Variants in ZNF451 observed in about 807,000 individuals in gnomAD.
ZNF451 encodes the protein zinc finger protein 451.
ZNF451 carries 80 observed loss-of-function variants against 107.1 expected under a neutral mutation model. The observed-to-expected ratio is 0.75, with a 90% CI of 0.62 to 0.90. The LOEUF is 0.90. Among genes scored for constraint, ZNF451 ranks in the 40% least tolerant of loss-of-function variants. The probability of loss-of-function intolerance (pLI) is 0.00; values close to 1 mark genes in which losing one functional copy is unlikely to be tolerated. For synonymous variants in ZNF451, 362 were observed against 406.5 expected, an observed-to-expected ratio of 0.89 and a Z score of 1.32; for missense variants, 1,107 against 1,236.2, an observed-to-expected ratio of 0.90 and a Z score of 1.57.
At chr6:57,118,812 G>A (rs986252238) in intron 3 of ZNF451, among the ~76,000 whole-genome samples, 2 of 152,176 alleles carry the variant, frequency 1.3e-5, no homozygotes, top group Non-Finnish European at 2.9e-5. Context: ...AGATTTGCCT[G>A]TACTAAGGGA....
chr6:57,153,136 A>G (rs2127982857), intron 12 of ZNF451, among the ~76,000 whole-genome samples: 1 of 152,294 alleles, frequency 6.6e-6, no homozygotes, highest in Admixed American at 6.5e-5. Flanking sequence ...TGGTTTAAAC[A>G]ACAAAAGATT....
intron 14 of ZNF451, chr6:57,165,004 A>G (rs1763833803): frequency 6.6e-6 from 1 of 152,174 alleles, no homozygotes; most frequent in Admixed American, 6.5e-5. Context: ...TAAATTCTGT[A>G]GCTTTTGTTT....
At position 57,153,975 on chromosome 6, in the gene ZNF451, A is replaced by T; in HGVS notation, c.2998A>T (p.Ile1000Leu). 1 of 1,614,204 alleles carries T rather than the reference A, an allele frequency of 6.2e-7. No individual in the cohort carries two copies. The highest frequency in any genetic ancestry group is 1.3e-5 in the African/African-American group (1 of 75,060). ...QFKKTQRPAH[I>L]LNPHHLEGDM... ...TAAGAAGACTCAGAGGCCAGCTCAT[A>T]TACTAAACCCTCACCACTTAGAGGG... The change falls in exon 13 of 15, where the codon ATA (isoleucine) becomes TTA (leucine). Residue 1000 changes from isoleucine (I) to leucine (L), a missense_variant. Ile to Leu is a conservative substitution (Grantham distance 5). Coordinates refer to ENST00000370706, the MANE Select transcript of ZNF451 (RefSeq NM_001031623.3).
At chr6:57,161,256 C>G (rs1196836415) in intron 14 of ZNF451, 104 bp downstream of exon 14, 5 of 593,122 alleles carry the variant, frequency 8.4e-6, no homozygotes, top group Non-Finnish European at 1.4e-5. Flanking sequence ...CCTTCTACCC[C>G]CAAGTTAAAA....
intron 11 of ZNF451, 81 bp downstream of exon 11, chr6:57,150,943 C>T (rs750144530): frequency 6.8e-7 from 1 of 1,463,716 alleles, no homozygotes; most frequent in Non-Finnish European, 9.4e-7. Context: ...CCTCTTAAAC[C>T]TTCCTGGATA....
chr6:57,155,178 C>CA (rs1218035492), intron 13 of ZNF451, among the ~76,000 whole-genome samples: 1 of 151,364 alleles, frequency 6.6e-6, no homozygotes, highest in Non-Finnish European at 1.5e-5. Flanking sequence ...TTTCTTAAAA[C>CA]AAAAAACAAA....
chr6:57,121,405 A>G (rs779503885), intron 3 of ZNF451, among the ~76,000 whole-genome samples: 2 of 152,178 alleles, frequency 1.3e-5, no homozygotes, highest in Non-Finnish European at 2.9e-5. Context: ...TTGTTGTTAT[A>G]CAAAAAATAA....
intron 14 of ZNF451, among the ~76,000 whole-genome samples, chr6:57,166,090 T>G (rs1223849702): frequency 1.3e-5 from 2 of 151,896 alleles, no homozygotes; most frequent in African/African-American, 4.8e-5. Flanking sequence ...TGCAGTTGTG[T>G]GATCTTGGCT....
chr6:57,108,430 T>C (rs1298856465), intron 3 of ZNF451: 1 of 985,362 alleles, frequency 1.0e-6, no homozygotes, highest in East Asian at 1.1e-4. Context: ...TTGTGGTCCC[T>C]TAATACCTCT....
intron 3 of ZNF451, among the ~76,000 whole-genome samples, chr6:57,117,152 T>C (rs1273871793): frequency 1.3e-5 from 2 of 152,174 alleles, no homozygotes; most frequent in South Asian, 2.1e-4. Context: ...GTCCTTTATC[T>C]GAAATGCTTG....
intron 13 of ZNF451, chr6:57,159,422 G>C (rs978540398): frequency 9.1e-6 from 9 of 984,778 alleles, no homozygotes; most frequent in African/African-American, 1.7e-5. Flanking sequence ...TTAATGTTTA[G>C]AGCAAGCTTG....
At chr6:57,145,316 T>C (rs1054353971) in intron 9 of ZNF451, among the ~76,000 whole-genome samples, 6 of 152,208 alleles carry the variant, frequency 3.9e-5, no homozygotes, top group South Asian at 4.1e-4. Context: ...TTATTTCTTA[T>C]AGATTCAGGG....
chr6:57,103,035 T>G (rs553081220), intron 3 of ZNF451: 1 of 985,314 alleles, frequency 1.0e-6, no homozygotes, highest in South Asian at 4.7e-5. Flanking sequence ...AACATTTAAT[T>G]CTTTTGAGCT....
chr6:57,117,539 T>C (rs997184622), intron 3 of ZNF451, among the ~76,000 whole-genome samples: 2 of 152,222 alleles, frequency 1.3e-5, no homozygotes, highest in African/African-American at 4.8e-5. Flanking sequence ...AAACAACTTA[T>C]CTTCCTAGTG....
chr6:57,119,396 G>A (rs1034044076), intron 3 of ZNF451, among the ~76,000 whole-genome samples: 2 of 152,068 alleles, frequency 1.3e-5, no homozygotes, highest in Non-Finnish European at 2.9e-5. Context: ...GTGGTGGCAC[G>A]CGCCTGCAAT....
intron 13 of ZNF451, among the ~76,000 whole-genome samples, chr6:57,154,785 C>T (rs1231380434): frequency 6.6e-6 from 1 of 152,022 alleles, no homozygotes; most frequent in Non-Finnish European, 1.5e-5. Flanking sequence ...AATTTAAATT[C>T]ATGAATAAGG....
intron 3 of ZNF451, chr6:57,102,822 A>G (rs1038965003): frequency 2.7e-5 from 27 of 985,342 alleles, no homozygotes; most frequent in Non-Finnish European, 3.1e-5. Context: ...ATTGCACAGT[A>G]ACTATCTTCA....
chr6:57,114,829 G>C (rs967434161), intron 3 of ZNF451: 1 of 152,052 alleles, frequency 6.6e-6, no homozygotes, highest in Non-Finnish European at 1.5e-5. Context: ...TACATATGCT[G>C]ATTGTAGAAA....
rs1190579861 is a variant in ZNF451 at position 57,106,236 on chromosome 6, G to T, written c.186+7095G>T. 8.1e-6 allele frequency: 8 copies of T among 984,996 alleles called. No individual in the cohort carries two copies. In the African/African-American group the frequency reaches 1.4e-4, roughly 17 times the overall value. 61.0% of individuals were successfully genotyped at this position (984,996 alleles called of 1,614,324 possible). On this transcript the variant is annotated intron_variant, in intron 3 of 14. Transcript: ENST00000370706. ...CTTGAAGATATAACTAGTTGACTGGGATTCTGATGAAGGTTTGAAATTATG... is the reference window on the plus strand; with the variant it reads ...CTTGAAGATATAACTAGTTGACTGGTATTCTGATGAAGGTTTGAAATTATG...
Sources: gnomAD v4.1 joint callset for allele counts (sites outside exome capture counted in the v4.1 genomes callset) on GRCh38, gnomAD v4.1.1 for gene constraint, MANE v1.5 for transcripts, NCBI Gene and HGNC (gene_info 2026-07-23, HGNC 2026-07-21) for gene names.